MICU1: variants seen among roughly 807,000 people sequenced by gnomAD.
MICU1 encodes mitochondrial calcium uptake 1, also known as calcium uptake protein 1, mitochondrial.
In MICU1, 45 loss-of-function variants were observed where a neutral mutation model predicts 56.8. The ratio of observed to expected loss-of-function variants is 0.79; its 90% confidence interval spans 0.62 to 1.02. The LOEUF (loss-of-function observed/expected upper bound fraction) is 1.02. Ranked by LOEUF, MICU1 falls within the 50% of genes least tolerant of loss-of-function variation. MICU1 has a pLI of 0.00. For synonymous variants in MICU1, 186 were observed against 195.1 expected, an observed-to-expected ratio of 0.95 and a Z score of 0.39; for missense variants, 504 against 587.1, an observed-to-expected ratio of 0.86 and a Z score of 1.46.
At chr10:72,587,464 C>CA (rs35303837) in intron 1 of MICU1, among the ~76,000 whole-genome samples, 52,595 of 92,678 alleles carry the variant, frequency 0.57, 15,516 homozygotes, top group Non-Finnish European at 0.69. Flanking sequence ...CAGCATGTCT[C>CA]AAAAAAAAAA....
intron 2 of MICU1, among the ~76,000 whole-genome samples, chr10:72,565,289 C>G (rs558879983): frequency 4.6e-5 from 7 of 152,118 alleles, no homozygotes; most frequent in African/African-American, 1.7e-4. Context: ...CACATATACA[C>G]CATGGAATAC....
chr10:72,515,085 C>T (rs1589297239), intron 5 of MICU1, among the ~76,000 whole-genome samples: 1 of 152,196 alleles, frequency 6.6e-6, no homozygotes, highest in Non-Finnish European at 1.5e-5. Context: ...CATCCAGAGT[C>T]ATCCAAGAAC....
intron 3 of MICU1, among the ~76,000 whole-genome samples, chr10:72,555,120 T>A (rs1246777287): frequency 6.6e-6 from 1 of 152,198 alleles, no homozygotes; most frequent in Non-Finnish European, 1.5e-5. Flanking sequence ...GAACTCTGAA[T>A]AGTAAGAGTA....
chr10:72,588,972 G>A (rs988365855), intron 1 of MICU1, among the ~76,000 whole-genome samples: 1 of 152,170 alleles, frequency 6.6e-6, no homozygotes, highest in Non-Finnish European at 1.5e-5. Context: ...TAGCCTTCAT[G>A]TATAAAAACA....
chr10:72,398,439 T>C (rs1241220735), intron 10 of MICU1, among the ~76,000 whole-genome samples: 1 of 144,710 alleles, frequency 6.9e-6, no homozygotes, highest in Non-Finnish European at 1.5e-5. Context: ...ATAACTAAGA[T>C]CAGAGCAGAA....
intron 4 of MICU1, among the ~76,000 whole-genome samples, chr10:72,550,041 G>A (rs1262630506): frequency 2.0e-5 from 3 of 151,698 alleles, no homozygotes; most frequent in South Asian, 2.1e-4. Flanking sequence ...ATACAGTGGC[G>A]GTCCCATAAG....
At chr10:72,615,759 G>A (rs977512947) in intron 1 of MICU1, among the ~76,000 whole-genome samples, 57 of 152,078 alleles carry the variant, frequency 3.7e-4, no homozygotes, top group African/African-American at 1.3e-3. Flanking sequence ...GGGAGGCCGA[G>A]GAGGGTGGAT....
intron 6 of MICU1, among the ~76,000 whole-genome samples, chr10:72,494,078 A>G (rs1281773740): frequency 6.6e-6 from 1 of 152,096 alleles, no homozygotes; most frequent in African/African-American, 2.4e-5. Context: ...AGTTTCTTGG[A>G]GTTCTTTAGA....
At chr10:72,606,592 A>G (rs575950796) in intron 1 of MICU1, among the ~76,000 whole-genome samples, 1 of 152,006 alleles carries the variant, frequency 6.6e-6, no homozygotes, top group South Asian at 2.1e-4. Context: ...GTGATTTATA[A>G]TAAGAAATAT....
intron 5 of MICU1, chr10:72,523,918 A>G: frequency 6.7e-7 from 1 of 1,489,636 alleles, no homozygotes; most frequent in Non-Finnish European, 8.9e-7. Context: ...AGCTCAGAAA[A>G]GCAAAATAAT....
At chr10:72,431,321 G>A (rs528834918) in intron 8 of MICU1, among the ~76,000 whole-genome samples, 3 of 151,992 alleles carry the variant, frequency 2.0e-5, no homozygotes, top group Non-Finnish European at 4.4e-5. Context: ...GTAGAGACAG[G>A]GTTTCGCCAT....
At chr10:72,448,383 A>G (rs569555608) in intron 8 of MICU1, among the ~76,000 whole-genome samples, 1 of 151,092 alleles carries the variant, frequency 6.6e-6, no homozygotes, top group East Asian at 2.0e-4. Context: ...CATGTTGGCC[A>G]GGCTGTTCTG....
intron 10 of MICU1, among the ~76,000 whole-genome samples, chr10:72,380,502 G>A (rs1400825447): frequency 5.3e-5 from 8 of 152,156 alleles, no homozygotes; most frequent in South Asian, 2.1e-4. Context: ...TGTTTCAACA[G>A]TAAAAAGAAA....
chr10:72,458,501 C>T (rs1865543156), intron 8 of MICU1, among the ~76,000 whole-genome samples: 2 of 152,092 alleles, frequency 1.3e-5, no homozygotes, highest in Admixed American at 1.3e-4. Context: ...CTGGAAATCA[C>T]TGCTTTGGGA....
At position 72,606,513 on chromosome 10, in the gene MICU1, CA is replaced by C. The variant is rs142408924; in HGVS notation, c.-2+19496del. ...GGGCAACAAGAGCGAAATGATGTCT[CA>C]AAAAAAAAAATTTTTTTTTAAGTAA... On this transcript the variant is annotated intron_variant, in intron 1 of 11. Coordinates refer to ENST00000361114, the MANE Select transcript of MICU1 (RefSeq NM_001195518.2). Among the ~76,000 whole-genome samples the C allele has an allele frequency of 6.8e-5, 10 of 146,364 alleles. No individual in the cohort carries two copies. In the East Asian group the frequency reaches 9.9e-4, roughly 14 times the overall value.
chr10:72,512,880 T>A (rs1236711956), intron 5 of MICU1, among the ~76,000 whole-genome samples: 7 of 152,008 alleles, frequency 4.6e-5, no homozygotes, highest in Non-Finnish European at 1.0e-4. Context: ...AATTTTTGTA[T>A]TTTTTGTAGA....
chr10:72,538,322 A>C (rs1839685832), intron 4 of MICU1, among the ~76,000 whole-genome samples: 1 of 152,170 alleles, frequency 6.6e-6, no homozygotes. Context: ...TAAAAAGGAT[A>C]ATCAAATGGA....
At chr10:72,595,045 A>G (rs1038609636) in intron 1 of MICU1, among the ~76,000 whole-genome samples, 1 of 152,112 alleles carries the variant, frequency 6.6e-6, no homozygotes, top group Admixed American at 6.6e-5. Flanking sequence ...GAAGATCCAT[A>G]TAAATTTATG....
intron 5 of MICU1, among the ~76,000 whole-genome samples, chr10:72,521,809 G>T (rs1867830655): frequency 6.6e-6 from 1 of 152,060 alleles, no homozygotes; most frequent in South Asian, 2.1e-4. Context: ...TTGGGGCTTA[G>T]CTTGTATCCA....
Sources: gnomAD v4.1 joint callset for allele counts (sites outside exome capture counted in the v4.1 genomes callset) on GRCh38, gnomAD v4.1.1 for gene constraint, MANE v1.5 for transcripts, NCBI Gene and HGNC (gene_info 2026-07-23, HGNC 2026-07-21) for gene names.